Variants in AGAP1 observed in about 807,000 individuals in gnomAD.
The protein encoded by AGAP1 is ArfGAP with GTPase domain, ankyrin repeat and PH domain 1.
AGAP1 carries 29 observed loss-of-function variants against 105.3 expected under a neutral mutation model. The observed-to-expected ratio is 0.28, with a 90% CI of 0.21 to 0.38. AGAP1 has a LOEUF of 0.38. Ranked by LOEUF, AGAP1 falls within the 10% of genes least tolerant of loss-of-function variation. The pLI is 1.00. For missense variants in AGAP1, 998 were observed against 1,165.1 expected (o/e 0.86, Z 2.09); for synonymous variants, 509 against 485.9 (o/e 1.05, Z -0.63).
chr2:235,528,078 ATGT>A lies in AGAP1; in HGVS notation c.163+33233_163+33235del, dbSNP rs1259098572. Among the ~76,000 whole-genome samples the A allele has an allele frequency of 2.0e-5, 3 of 152,150 alleles. No individual in the cohort carries two copies. The East Asian group carries it at 5.8e-4, about 29-fold the overall frequency. On this transcript the variant is annotated intron_variant, in intron 1 of 17. Transcript: ENST00000304032. ...TGATAACCTCATTAGGCTCTTTGTG[ATGT>A]TGTCCTGGATCTGTCAAAAATTGGT... is the stretch of plus-strand genomic sequence containing the variant.
chr2:235,496,287 ATC>A (rs1941316374), intron 1 of AGAP1, among the ~76,000 whole-genome samples: 2 of 152,082 alleles, frequency 1.3e-5, no homozygotes, highest in Admixed American at 1.3e-4. Context: ...CTTTGTGTGT[ATC>A]TGTCTCCCAT....
intron 1 of AGAP1, among the ~76,000 whole-genome samples, chr2:235,545,442 G>A (rs1943591706): frequency 6.6e-6 from 1 of 152,222 alleles, no homozygotes; most frequent in Non-Finnish European, 1.5e-5. Flanking sequence ...TTACTTATAG[G>A]AAGTTTGAGA....
intron 16 of AGAP1, among the ~76,000 whole-genome samples, chr2:236,070,238 G>C (rs1174586886): frequency 6.6e-6 from 1 of 152,232 alleles, no homozygotes; most frequent in Non-Finnish European, 1.5e-5. Context: ...TCTTGGTTTG[G>C]ATTTGGCATC....
chr2:235,560,670 A>G (rs1944118557), intron 1 of AGAP1, among the ~76,000 whole-genome samples: 1 of 152,216 alleles, frequency 6.6e-6, no homozygotes, highest in Non-Finnish European at 1.5e-5. Flanking sequence ...GATGGCATCT[A>G]AAATTTCGGA....
chr2:235,583,148 C>T (rs901662859), intron 1 of AGAP1, among the ~76,000 whole-genome samples: 1 of 152,188 alleles, frequency 6.6e-6, no homozygotes, highest in Non-Finnish European at 1.5e-5. Flanking sequence ...TGTGGGTCCT[C>T]TGCCTGGGTT....
At chr2:235,693,211 G>A (rs1325375143) in intron 1 of AGAP1, among the ~76,000 whole-genome samples, 1 of 152,210 alleles carries the variant, frequency 6.6e-6, no homozygotes, top group African/African-American at 2.4e-5. Context: ...AGAGGAGGGG[G>A]CTTTGGGGCT....
chr2:235,926,282 TG>T (rs2052441187), intron 11 of AGAP1, among the ~76,000 whole-genome samples: 2 of 152,222 alleles, frequency 1.3e-5, no homozygotes, highest in Non-Finnish European at 2.9e-5. Flanking sequence ...ACTCCACATT[TG>T]GGGGTGGTTC....
Position 235,553,366 on chromosome 2 carries a change from C to G in AGAP1, c.163+58517C>G, listed in dbSNP as rs1364676555. Among the ~76,000 whole-genome samples, 1 of 151,916 alleles carries G rather than the reference C, an allele frequency of 6.6e-6. No individual in the cohort carries two copies. The highest frequency in any genetic ancestry group is 1.9e-4 in the East Asian group (1 of 5,160). ...TTTGTCTTGGTCAGGTCACGATGTT[C>G]CTGTGAATTTTTAATAAAACATAGT... On this transcript the variant is annotated intron_variant, in intron 1 of 17. Coordinates refer to ENST00000304032, the MANE Select transcript of AGAP1 (RefSeq NM_001037131.3). This position sits in a 1 kb window ranked among gnomAD's most constrained non-coding sequence, Gnocchi z 4.5.
rs570249918 is a variant in AGAP1, at chr2:235,914,778, G to A, written c.1324+5872G>A. Among the ~76,000 whole-genome samples, 12 of 152,270 alleles carry A rather than the reference G, an allele frequency of 7.9e-5. No homozygotes were observed. The South Asian group carries it at 2.1e-3, about 26-fold the overall frequency. On this transcript the variant is annotated intron_variant, in intron 11 of 17. Transcript: ENST00000304032. ...GCTCTGGGTTCCTTGTGGCGGTCGT[G>A]GAGTTCAGGAGTGGGCTGGGGCACA...
intron 10 of AGAP1, among the ~76,000 whole-genome samples, chr2:235,890,126 G>A (rs2050462945): frequency 6.6e-6 from 1 of 151,832 alleles, no homozygotes; most frequent in African/African-American, 2.4e-5. Flanking sequence ...ATGGGCACAG[G>A]AGGAAGTGAT....
intron 13 of AGAP1, among the ~76,000 whole-genome samples, chr2:235,995,818 G>A (rs2055788206): frequency 6.6e-6 from 1 of 152,144 alleles, no homozygotes; most frequent in Admixed American, 6.5e-5. Flanking sequence ...ACCCTGTGGT[G>A]GTATTCCTTT....
At chr2:235,785,251 G>C (rs1172110305) in intron 6 of AGAP1, among the ~76,000 whole-genome samples, 1 of 152,212 alleles carries the variant, frequency 6.6e-6, no homozygotes, top group Non-Finnish European at 1.5e-5. Flanking sequence ...CTATCCGAAG[G>C]AGAGTGTGCC....
chr2:235,820,332 AAGAT>A (rs1958720735), intron 9 of AGAP1, among the ~76,000 whole-genome samples: 1 of 152,346 alleles, frequency 6.6e-6, no homozygotes, highest in South Asian at 2.1e-4. Context: ...TTATGTATCT[AAGAT>A]AGTATGTTTA....
rs894828934 is a variant in AGAP1 at position 236,038,601 on chromosome 2, T to C, written c.1800+1886T>C. On this transcript the variant is annotated intron_variant, in intron 14 of 17. Coordinates refer to ENST00000304032, the MANE Select transcript of AGAP1 (RefSeq NM_001037131.3). This position sits in a 1 kb window ranked among gnomAD's most constrained non-coding sequence, Gnocchi z 4.5. ...CAGAGCTGGTCATCGTGGGCATTGG[T>C]TGAACAGGTGTGAGGGCATAAAACA... Among the ~76,000 whole-genome samples the C allele has an allele frequency of 3.9e-5, 6 of 152,198 alleles. No individual in the cohort carries two copies. The highest frequency in any genetic ancestry group is 5.9e-5 in the Non-Finnish European group (4 of 68,038).
Position 235,807,290 on chromosome 2 carries a change from G to T in AGAP1, c.1009G>T (p.Ala337Ser). 2 of 1,605,702 alleles carry T rather than the reference G, an allele frequency of 1.2e-6. No homozygotes were observed. The highest frequency in any genetic ancestry group is 1.7e-6 in the Non-Finnish European group (2 of 1,177,860). Residue 337 changes from alanine (A) to serine (S), a missense_variant, in exon 9 of 18, where the codon GCG (alanine) becomes TCG (serine). This residue lies in a region of AGAP1 where 735 missense variants were observed against 833.4 expected (regional missense o/e 0.88). Transcript: ENST00000304032. ...DKEKKGLESR[A>S]DSIGSGRAIP... ...AGAGAAGAAAGGCCTGGAGAGTCGT[G>T]CGGACAGCATTGGGAGCGGCCGAGC...
chr2:236,022,013 G>A (rs2125603250), intron 13 of AGAP1, among the ~76,000 whole-genome samples: 1 of 134,264 alleles, frequency 7.4e-6, no homozygotes, highest in Non-Finnish European at 1.5e-5. Flanking sequence ...GAGCCGAGAT[G>A]AAGCCACTGC....
chr2:235,530,640 C>T lies in AGAP1; in HGVS notation c.163+35791C>T, dbSNP rs112495923. Among the ~76,000 whole-genome samples, 1,269 of 152,284 alleles carry T rather than the reference C, an allele frequency of 8.3e-3. 10 individuals carry two copies. The highest frequency in any genetic ancestry group is 0.014 in the Non-Finnish European group (952 of 68,026). On this transcript the variant is annotated intron_variant, in intron 1 of 17. Coordinates refer to ENST00000304032, the MANE Select transcript of AGAP1 (RefSeq NM_001037131.3). The stretch of plus-strand genomic sequence containing the variant: ...CATCTTCCGATCTCTTCTTCCATTC[C>T]ACTCCATCCTGACGTCCCCTTCTCC...
intron 10 of AGAP1, among the ~76,000 whole-genome samples, chr2:235,885,997 AC>A (rs2124856015): frequency 6.6e-6 from 1 of 152,282 alleles, no homozygotes; most frequent in African/African-American, 2.4e-5. Flanking sequence ...CATGACGCCC[AC>A]CTGGGACCAG....
chr2:236,088,082 A>G (rs1479847941), intron 16 of AGAP1, among the ~76,000 whole-genome samples: 1 of 152,108 alleles, frequency 6.6e-6, no homozygotes, highest in Non-Finnish European at 1.5e-5. Context: ...ATTTCCAGAA[A>G]AGTGGGGACC....
Sources: allele counts gnomAD v4.1 joint callset (sites outside exome capture counted in the v4.1 genomes callset), GRCh38; gene constraint gnomAD v4.1.1; regional missense constraint gnomAD v4.1.1; non-coding constraint Gnocchi (gnomAD v3.1); transcripts MANE v1.5; gene names NCBI Gene and HGNC (gene_info 2026-07-23, HGNC 2026-07-21).